The following MRAP2 variants were observed in gnomAD, a reference collection of about 807,000 sequenced individuals.
MRAP2 encodes the protein melanocortin 2 receptor accessory protein 2.
In MRAP2, 20 loss-of-function variants were observed where a neutral mutation model predicts 17.4. The observed-to-expected ratio is 1.15, with a 90% CI of 0.81 to 1.67. The LOEUF (loss-of-function observed/expected upper bound fraction) is 1.67, where lower values mean the gene tolerates loss of function less well. MRAP2 is among the 40% of genes most tolerant of loss of function. The probability of loss-of-function intolerance (pLI) is 0.00; values close to 1 mark genes in which losing one functional copy is unlikely to be tolerated. For missense variants in MRAP2, 238 were observed against 240.0 expected (o/e 0.99, Z 0.05); for synonymous variants, 96 against 88.4 (o/e 1.09, Z -0.48).
At chr6:84,070,523 A>G (rs561766721) in intron 3 of MRAP2, among the ~76,000 whole-genome samples, 9 of 152,258 alleles carry the variant, frequency 5.9e-5, no homozygotes, top group Admixed American at 2.0e-4. Context: ...CATAAGATCT[A>G]TGTTGGAGAA....
the MRAP2 span, chr6:84,124,650 G>C: frequency 4.5e-6 from 1 of 219,806 alleles, no homozygotes; most frequent in African/African-American, 2.4e-5. Flanking sequence ...TTGGATGATG[G>C]GTACACTAGA....
At chr6:84,134,943 C>G in the MRAP2 span, among the ~76,000 whole-genome samples, 1 of 151,214 alleles carries the variant, frequency 6.6e-6, no homozygotes, top group Non-Finnish European at 1.5e-5. Context: ...CACACACACA[C>G]ACACACACAC....
At chr6:84,055,257 G>C in intron 1 of MRAP2, 55 bp from the exon 2 acceptor site, 7 of 1,567,960 alleles carry the variant, frequency 4.5e-6, no homozygotes, top group Non-Finnish European at 6.0e-6. Context: ...TAAGGTAACT[G>C]TGCAGCTCTG....
At chr6:84,126,025 T>A in the MRAP2 span, among the ~76,000 whole-genome samples, 1 of 152,170 alleles carries the variant, frequency 6.6e-6, no homozygotes, top group East Asian at 1.9e-4. Context: ...TTTTAAATAA[T>A]CATATTAAAA....
rs541072275 is a variant in MRAP2, at chr6:84,036,113, T to C, written c.-8+2230T>C. 5.9e-5 allele frequency among the ~76,000 whole-genome samples: 9 copies of C among 152,136 alleles called. No homozygotes were observed. The South Asian group carries it at 1.9e-3, about 32-fold the overall frequency. ...TACCAGATAATGCCTCATTGTGTCA[T>C]TTTCTGTCTAGTCTTTTTTTTTTTT... On this transcript the variant is annotated intron_variant, in intron 1 of 3. Transcript: ENST00000257776.
chr6:84,045,378 C>T (rs934782031), intron 1 of MRAP2: 57 of 985,304 alleles, frequency 5.8e-5, no homozygotes, highest in Non-Finnish European at 6.7e-5. Flanking sequence ...CAAGCCTGCC[C>T]CCAAGACCTC....
the MRAP2 span, among the ~76,000 whole-genome samples, chr6:84,145,936 A>G: frequency 6.6e-6 from 1 of 152,122 alleles, no homozygotes; most frequent in African/African-American, 2.4e-5. Flanking sequence ...TTTTGTTTCC[A>G]TAGAAATGCC....
chr6:84,093,799 C>T (rs2099502195), downstream of MRAP2, among the ~76,000 whole-genome samples: 1 of 152,170 alleles, frequency 6.6e-6, no homozygotes, highest in Admixed American at 6.5e-5. Flanking sequence ...GAAGGGGTAG[C>T]TATGAGTTGA....
chr6:84,051,382 C>A (rs1039541544), intron 1 of MRAP2, among the ~76,000 whole-genome samples: 7 of 152,316 alleles, frequency 4.6e-5, no homozygotes, highest in Admixed American at 3.3e-4. Flanking sequence ...CATGGCAAAA[C>A]CCTGTCTACA....
At chr6:84,035,080 T>G (rs1014227006) in intron 1 of MRAP2, among the ~76,000 whole-genome samples, 5 of 152,148 alleles carry the variant, frequency 3.3e-5, no homozygotes, top group Non-Finnish European at 7.4e-5. Flanking sequence ...GAAGAATAGA[T>G]AATATTAACA....
chr6:84,107,026 C>T, the MRAP2 span, among the ~76,000 whole-genome samples: 2 of 152,126 alleles, frequency 1.3e-5, no homozygotes, highest in Admixed American at 6.6e-5. Context: ...AGCTTCAATT[C>T]ACATATAGGG....
chr6:84,112,459 T>A, the MRAP2 span, among the ~76,000 whole-genome samples: 1 of 152,230 alleles, frequency 6.6e-6, no homozygotes, highest in African/African-American at 2.4e-5. Flanking sequence ...ATCCCCTTTA[T>A]CATTTTTTAT....
At chr6:84,102,266 G>A in the MRAP2 span, among the ~76,000 whole-genome samples, 1 of 152,150 alleles carries the variant, frequency 6.6e-6, no homozygotes, top group South Asian at 2.1e-4. Flanking sequence ...TTATTTATTG[G>A]CAAAAGGGCC....
intron 2 of MRAP2, among the ~76,000 whole-genome samples, chr6:84,060,709 G>A (rs1244465856): frequency 1.3e-5 from 2 of 150,134 alleles, no homozygotes; most frequent in Admixed American, 6.6e-5. Flanking sequence ...TTTTTGAGAC[G>A]GAGTCTTGCT....
the MRAP2 span, among the ~76,000 whole-genome samples, chr6:84,118,711 A>C: frequency 6.8e-6 from 1 of 147,070 alleles, no homozygotes; most frequent in Admixed American, 6.6e-5. Context: ...CTGGAGTTCC[A>C]AGCCAGTGTG....
chr6:84,094,848 C>T (rs759657976), downstream of MRAP2, among the ~76,000 whole-genome samples: 2 of 152,060 alleles, frequency 1.3e-5, no homozygotes, highest in Non-Finnish European at 2.9e-5. Context: ...CGCACCACCG[C>T]ACCTGGCCAG....
At chr6:84,084,859 C>CT (rs1265011487) in intron 3 of MRAP2, among the ~76,000 whole-genome samples, 18 of 137,124 alleles carry the variant, frequency 1.3e-4, no homozygotes, top group Non-Finnish European at 2.3e-4. Context: ...CATTTCATTT[C>CT]TTTATTTTAT....
the MRAP2 span, among the ~76,000 whole-genome samples, chr6:84,143,557 CAG>C: frequency 6.6e-6 from 1 of 151,754 alleles, no homozygotes. Context: ...AGTAGAATGA[CAG>C]ACTGTTTTAT....
In MRAP2 at chr6:84,063,049, G is replaced by C. The variant is rs1355177084; in HGVS notation, c.227+57G>C. 7 of 1,611,260 alleles carry C rather than the reference G, an allele frequency of 4.3e-6. No individual in the cohort carries two copies. The African/African-American group carries it at 9.4e-5, about 22-fold the overall frequency. On this transcript the variant is annotated intron_variant, in intron 3 of 3. Transcript: ENST00000257776. ...AGCCTCACAGGAGACTGAGGAAATAGAAACTACTACCCAGGGCCGGAGGTG... is the reference window on the plus strand; with the variant it reads ...AGCCTCACAGGAGACTGAGGAAATACAAACTACTACCCAGGGCCGGAGGTG...
Sources: gnomAD v4.1 joint callset for allele counts (sites outside exome capture counted in the v4.1 genomes callset) on GRCh38, gnomAD v4.1.1 for gene constraint, MANE v1.5 for transcripts, NCBI Gene and HGNC (gene_info 2026-07-23, HGNC 2026-07-21) for gene names.